Variants in GAS2L3 observed in about 807,000 individuals in gnomAD.
GAS2L3 encodes the protein growth arrest specific 2 like 3.
Under a neutral mutation model 37.0 loss-of-function variants are expected in GAS2L3, and 28 were observed. The ratio of observed to expected loss-of-function variants is 0.76; its 90% CI spans 0.56 to 1.04. GAS2L3 has a LOEUF of 1.04. Among genes scored for constraint, GAS2L3 ranks in the 50% least tolerant of loss-of-function variants. The probability of loss-of-function intolerance (pLI) is 0.00; values close to 1 mark genes in which losing one functional copy is unlikely to be tolerated. For missense variants in GAS2L3, 793 were observed against 817.6 expected (o/e 0.97, Z 0.37); for synonymous variants, 290 against 296.6 (o/e 0.98, Z 0.23).
chr12:100,607,256 C>A (rs1439433469), intron 5 of GAS2L3, among the ~76,000 whole-genome samples: 1 of 152,174 alleles, frequency 6.6e-6, no homozygotes, highest in Non-Finnish European at 1.5e-5. Flanking sequence ...TCACTCTCTC[C>A]TGGCCTGTAA....
chr12:100,620,012 T>G (rs1156403558), intron 8 of GAS2L3, among the ~76,000 whole-genome samples: 1 of 152,006 alleles, frequency 6.6e-6, no homozygotes, highest in East Asian at 1.9e-4. Flanking sequence ...CAAACTGTAC[T>G]TAGTGTTTAC....
chr12:100,615,576 T>C (rs753505538), intron 6 of GAS2L3, among the ~76,000 whole-genome samples: 3 of 152,170 alleles, frequency 2.0e-5, no homozygotes, highest in African/African-American at 4.8e-5. Flanking sequence ...CTAATTAAAG[T>C]CATATATATT....
chr12:100,622,365 A>G lies in GAS2L3; in HGVS notation c.739A>G (p.Lys247Glu). ...LSEGRYRLGD[K>E]ILFIRMLHGK... is the part of the protein sequence containing the mutation. ...TGAAGGACGGTACCGACTAGGGGAT[A>G]AAATACTCTTTATAAGAGTAAGTCC... Residue 247 changes from lysine to glutamate, a missense_variant, in exon 9 of 10, where the codon AAA becomes GAA. Transcript: ENST00000547754. 6.5e-7 allele frequency: 1 copy of G among 1,534,420 alleles called. No individual in the cohort carries two copies. The highest frequency in any genetic ancestry group is 1.7e-4 in the Middle Eastern group (1 of 5,876).
chr12:100,623,548 T>C lies in GAS2L3; in HGVS notation c.757-14T>C, dbSNP rs2136600305. 6.4e-7 allele frequency: 1 copy of C among 1,573,418 alleles called. No homozygotes were observed. Among genetic ancestry groups the C allele is most frequent in the South Asian group, 1.2e-5 (1 of 84,130 alleles). ...AGTATTACAGCTTTACTTTTTGTTT[T>C]CCTTTGGGGGCAGATGCTTCATGGA... On this transcript the variant is annotated splice_polypyrimidine_tract_variant and intron_variant, in intron 9 of 9. Transcript: ENST00000547754.
At chr12:100,622,038 A>G (rs1344997431) in intron 8 of GAS2L3, among the ~76,000 whole-genome samples, 3 of 152,072 alleles carry the variant, frequency 2.0e-5, no homozygotes, top group African/African-American at 7.2e-5. Context: ...CTTTGGTAAA[A>G]TTGGGGAAAA....
chr12:100,612,736 C>T (rs527640246), intron 6 of GAS2L3, among the ~76,000 whole-genome samples: 7 of 152,260 alleles, frequency 4.6e-5, no homozygotes, highest in Non-Finnish European at 8.8e-5. Context: ...TATATGTGTA[C>T]ATACACACAC....
At chr12:100,621,882 G>GAGAGAGA (rs1490640473) in intron 8 of GAS2L3, among the ~76,000 whole-genome samples, 6 of 81,256 alleles carry the variant, frequency 7.4e-5, no homozygotes, top group African/African-American at 3.2e-4. Flanking sequence ...GGTGGGGGGG[G>GAGAGAGA]GAGAGAGAGA....
Position 100,624,555 on chromosome 12 carries a change from GT to G in GAS2L3, c.1753del (p.Ser585GlnfsTer21). On this transcript the variant is annotated frameshift_variant, in exon 10 of 10. Coordinates refer to ENST00000547754, the MANE Select transcript of GAS2L3 (RefSeq NM_174942.3). LOFTEE classifies it low-confidence loss of function (END_TRUNC). ...ACAGAAATCAAAAGATAAGAATATAGTTTCAGCTACCAAAAAGCAGCCTCAG... is the reference window on the plus strand; with the variant it reads ...ACAGAAATCAAAAGATAAGAATATAGTTCAGCTACCAAAAAGCAGCCTCAG... ...ATQKSKDKNIVSATKKQPQNK... is the reference protein window; with the variant it reads ...ATQKSKDKNIXSATKKQPQNK... 6.2e-7 allele frequency: 1 copy of G among 1,614,022 alleles called. No individual in the cohort carries two copies.
At chr12:100,583,135 G>A (rs1375248527) in intron 1 of GAS2L3, among the ~76,000 whole-genome samples, 1 of 152,180 alleles carries the variant, frequency 6.6e-6, no homozygotes, top group Non-Finnish European at 1.5e-5. Context: ...GAAAGTAAAG[G>A]AATAAAGAAT....
At chr12:100,579,126 A>G (rs1261465449) in intron 1 of GAS2L3, 4 of 706,458 alleles carry the variant, frequency 5.7e-6, no homozygotes, top group Middle Eastern at 2.5e-4. Context: ...ATCCATTCAC[A>G]TAGTTCATTT....
intron 6 of GAS2L3, among the ~76,000 whole-genome samples, chr12:100,617,416 C>T (rs1407285627): frequency 2.6e-5 from 4 of 152,024 alleles, no homozygotes; most frequent in Admixed American, 6.6e-5. Flanking sequence ...AATAAAATTG[C>T]GGTACTATAT....
chr12:100,612,201 C>T (rs1330184195), intron 6 of GAS2L3, 60 bp downstream of exon 6: 3 of 1,394,252 alleles, frequency 2.2e-6, no homozygotes, highest in Non-Finnish European at 3.0e-6. Context: ...TAATATCCTT[C>T]ACCTCTAATT....
chr12:100,592,484 A>T (rs187527236), intron 2 of GAS2L3: 221 of 152,248 alleles, frequency 1.5e-3, no homozygotes, highest in African/African-American at 5.2e-3. Context: ...GGGACGAAGG[A>T]TCGGTTCAGT....
chr12:100,621,886 A>AGG (rs1324768882), intron 8 of GAS2L3, among the ~76,000 whole-genome samples: 34 of 145,886 alleles, frequency 2.3e-4, no homozygotes, highest in African/African-American at 8.8e-4. Context: ...GGGGGGGGAG[A>AGG]GAGAGAGAGA....
intron 1 of GAS2L3, chr12:100,579,378 C>G: frequency 2.4e-6 from 2 of 834,828 alleles, no homozygotes; most frequent in Non-Finnish European, 3.9e-6. Flanking sequence ...GCTGTAGATC[C>G]TATTGACTTC....
At chr12:100,595,087 C>T (rs1002224398) in intron 3 of GAS2L3, among the ~76,000 whole-genome samples, 165 bp downstream of exon 3, 4 of 151,736 alleles carry the variant, frequency 2.6e-5, no homozygotes, top group Non-Finnish European at 4.4e-5. Context: ...TTCTCAAAAA[C>T]GTTCAATTCT....
rs894609475 is a variant in GAS2L3 at position 100,623,953 on chromosome 12, C to T, written c.1148C>T (p.Pro383Leu). The T allele has an allele frequency of 6.2e-7, 1 of 1,613,884 alleles. No homozygotes were observed. Among genetic ancestry groups the T allele is most frequent in the Non-Finnish European group, 8.5e-7 (1 of 1,180,012 alleles). The change falls in exon 10 of 10, where the codon CCC becomes CTC. Residue 383 changes from proline to leucine, a missense_variant. Pro to Leu is a moderately conservative substitution (Grantham distance 98). Transcript: ENST00000547754. ...AATTCTCCAGCAGCATCTTCTCATCCCAAGCTCAAGTCTTCAAAAGGCATA... is the reference window on the plus strand; with the variant it reads ...AATTCTCCAGCAGCATCTTCTCATCTCAAGCTCAAGTCTTCAAAAGGCATA... ...LPNSPAASSH[P>L]KLKSSKGITK...
At chr12:100,622,923 T>C (rs1440724851) in intron 9 of GAS2L3, among the ~76,000 whole-genome samples, 1 of 152,066 alleles carries the variant, frequency 6.6e-6, no homozygotes, top group Non-Finnish European at 1.5e-5. Context: ...CCATCTACAG[T>C]TGATTAATTG....
At chr12:100,592,271 T>A (rs1270623789) in intron 2 of GAS2L3, 2 of 152,150 alleles carry the variant, frequency 1.3e-5, no homozygotes, top group Non-Finnish European at 2.9e-5. Flanking sequence ...GAGGGCTGAA[T>A]GGATGGGTGA....
Sources: allele counts gnomAD v4.1 joint callset (sites outside exome capture counted in the v4.1 genomes callset), GRCh38; gene constraint gnomAD v4.1.1; transcripts MANE v1.5; gene names NCBI Gene and HGNC (gene_info 2026-07-23, HGNC 2026-07-21).